Variants in SEMA6D observed in about 807,000 individuals in gnomAD.
SEMA6D encodes semaphorin 6D, also known as semaphorin-6D.
Under a neutral mutation model 106.6 loss-of-function variants are expected in SEMA6D, and 35 were observed. That is an observed-to-expected ratio of 0.33 (90% CI 0.25 to 0.44). The LOEUF (loss-of-function observed/expected upper bound fraction) is 0.44, where lower values mean the gene tolerates loss of function less well. Ranked by LOEUF, SEMA6D falls within the 20% of genes least tolerant of loss-of-function variation. The pLI, the probability that SEMA6D is intolerant of heterozygous loss-of-function variation, is 1.00. For synonymous variants in SEMA6D, 499 were observed against 487.7 expected, an observed-to-expected ratio of 1.02 and a Z score of -0.31; for missense variants, 1,185 against 1,345.9, an observed-to-expected ratio of 0.88 and a Z score of 1.87.
intron 4 of SEMA6D, among the ~76,000 whole-genome samples, chr15:47,637,762 G>T (rs928581536): frequency 6.6e-6 from 1 of 152,074 alleles, no homozygotes; most frequent in African/African-American, 2.4e-5. Context: ...CTCTGCTAAG[G>T]GTCTCCCACT....
intron 4 of SEMA6D, among the ~76,000 whole-genome samples, chr15:47,688,395 C>T (rs1437057877): frequency 6.6e-6 from 1 of 152,108 alleles, no homozygotes. Context: ...AATGTTCAAT[C>T]TAAATACAAG....
At position 47,348,735 on chromosome 15, in the gene SEMA6D, G is replaced by C. The variant is rs1359016876; in HGVS notation, c.-238-63658G>C. On this transcript the variant is annotated intron_variant, in intron 1 of 19. Coordinates refer to the SEMA6D transcript ENST00000558014. ...CACACACACCACACACACAGAGAGA[G>C]AGAGAGAGAGAGAGAGAGAGAGAGA... Among the ~76,000 whole-genome samples, 76 of 51,930 alleles carry C rather than the reference G, an allele frequency of 1.5e-3. 1 individual carries two copies. The highest frequency in any genetic ancestry group is 2.6e-3 in the African/African-American group (75 of 28,376). 34.1% of individuals were successfully genotyped at this position (51,930 alleles called of 152,430 possible).
chr15:47,478,919 A>G (rs987629572), intron 3 of SEMA6D, among the ~76,000 whole-genome samples: 2 of 152,214 alleles, frequency 1.3e-5, no homozygotes, highest in African/African-American at 4.8e-5. Flanking sequence ...GTGCAGAGGA[A>G]CTACCCTTTA....
At chr15:47,367,684 GCGCGCGCGCACACACA>G (rs2039093360) in intron 1 of SEMA6D, among the ~76,000 whole-genome samples, 3 of 42,228 alleles carry the variant, frequency 7.1e-5, no homozygotes, top group South Asian at 1.1e-3. Flanking sequence ...TCACACGCGC[GCGCGCGCGCACACACA>G]CACACACACA....
At chr15:47,256,966 T>C (rs2033834882) in intron 1 of SEMA6D, among the ~76,000 whole-genome samples, 1 of 152,218 alleles carries the variant, frequency 6.6e-6, no homozygotes, top group Non-Finnish European at 1.5e-5. Context: ...ATAATTGTCT[T>C]TCCAATCAAT....
intron 1 of SEMA6D, among the ~76,000 whole-genome samples, chr15:47,261,245 A>C (rs746657257): frequency 6.6e-6 from 1 of 152,146 alleles, no homozygotes; most frequent in Non-Finnish European, 1.5e-5. Flanking sequence ...TTAAAAACCA[A>C]GATAGAAGGA....
At chr15:47,752,837 C>T (rs188920971) in intron 1 of SEMA6D, among the ~76,000 whole-genome samples, 78 of 152,086 alleles carry the variant, frequency 5.1e-4, no homozygotes, top group African/African-American at 1.8e-3. Context: ...GATGAAACCC[C>T]ACCTCTTCTA....
At chr15:47,615,154 T>A (rs2076983635) in intron 4 of SEMA6D, among the ~76,000 whole-genome samples, 3 of 151,960 alleles carry the variant, frequency 2.0e-5, no homozygotes, top group Admixed American at 6.6e-5. Flanking sequence ...CAACCACAGG[T>A]CAAAAATATT....
intron 2 of SEMA6D, among the ~76,000 whole-genome samples, chr15:47,416,171 T>C (rs990159527): frequency 6.6e-6 from 1 of 152,168 alleles, no homozygotes; most frequent in Non-Finnish European, 1.5e-5. Flanking sequence ...TGGTCCTCCC[T>C]AATGATAACG....
chr15:47,749,196 C>G (rs2081301310), intron 1 of SEMA6D, among the ~76,000 whole-genome samples: 1 of 151,002 alleles, frequency 6.6e-6, no homozygotes, highest in African/African-American at 2.4e-5. Context: ...ATTCTCCTGC[C>G]TCAGCCTTCC....
At chr15:47,348,711 ACACACAC>A (rs1460691930) in intron 1 of SEMA6D, among the ~76,000 whole-genome samples, 93 of 86,558 alleles carry the variant, frequency 1.1e-3, no homozygotes, top group South Asian at 5.3e-3. Flanking sequence ...ACACACACAC[ACACACAC>A]CACACACACA....
intron 4 of SEMA6D, among the ~76,000 whole-genome samples, chr15:47,688,203 C>T (rs1041719911): frequency 2.0e-5 from 3 of 151,700 alleles, no homozygotes; most frequent in Non-Finnish European, 1.5e-5. Context: ...ATGTGTTAAC[C>T]CAGAATGTAT....
At chr15:47,650,302 C>A (rs568535856) in intron 4 of SEMA6D, among the ~76,000 whole-genome samples, 1 of 152,282 alleles carries the variant, frequency 6.6e-6, no homozygotes, top group East Asian at 1.9e-4. Context: ...ATGAAGATGT[C>A]AACATCACCT....
chr15:47,437,905 C>T (rs1458789305), intron 2 of SEMA6D, among the ~76,000 whole-genome samples: 2 of 152,006 alleles, frequency 1.3e-5, no homozygotes, highest in Non-Finnish European at 2.9e-5. Flanking sequence ...TATTTGGTAC[C>T]TTGCTGCGAC....
chr15:47,725,764 A>G (rs910923581), intron 1 of SEMA6D, among the ~76,000 whole-genome samples: 1 of 152,246 alleles, frequency 6.6e-6, no homozygotes, highest in African/African-American at 2.4e-5. Context: ...CACATAATAA[A>G]GGAAAAATAA....
chr15:47,297,924 C>G (rs2035868811), intron 1 of SEMA6D, among the ~76,000 whole-genome samples: 1 of 152,094 alleles, frequency 6.6e-6, no homozygotes, highest in Non-Finnish European at 1.5e-5. Context: ...GAAGGTAAAT[C>G]ATTGTGGGGC....
chr15:47,561,998 TACA>T (rs1192718573), intron 3 of SEMA6D, among the ~76,000 whole-genome samples: 4 of 152,094 alleles, frequency 2.6e-5, no homozygotes, highest in Non-Finnish European at 5.9e-5. Context: ...CAATAGCCAA[TACA>T]ACATTAAACA....
intron 1 of SEMA6D, among the ~76,000 whole-genome samples, chr15:47,277,540 A>G (rs1020111758): frequency 2.0e-5 from 3 of 151,414 alleles, no homozygotes; most frequent in Non-Finnish European, 4.4e-5. Flanking sequence ...GATGGCCATT[A>G]GCATTTTTAG....
chr15:47,260,483 A>G lies in SEMA6D; in HGVS notation c.-239+76065A>G, dbSNP rs574567958. Among the ~76,000 whole-genome samples, 3 of 152,176 alleles carry G rather than the reference A, an allele frequency of 2.0e-5. No individual in the cohort carries two copies. In the South Asian group the frequency reaches 6.2e-4, roughly 32 times the overall value. ...ACTGTGGACCCCACTGATCCATGCT[A>G]GTACTGCCTGAGGTGGTAGAAGTTC... On this transcript the variant is annotated intron_variant, in intron 1 of 19. Coordinates refer to the SEMA6D transcript ENST00000558014.
Sources: gnomAD v4.1 joint callset for allele counts (sites outside exome capture counted in the v4.1 genomes callset) on GRCh38, gnomAD v4.1.1 for gene constraint, MANE v1.5 for transcripts, NCBI Gene and HGNC (gene_info 2026-07-23, HGNC 2026-07-21) for gene names.